The following NRG1 variants were observed in gnomAD, a reference collection of about 807,000 sequenced individuals.
NRG1 encodes neuregulin 1.
In NRG1, 18 loss-of-function variants were observed where a neutral mutation model predicts 63.8. The observed-to-expected ratio is 0.28, with a 90% CI of 0.19 to 0.42. The LOEUF (loss-of-function observed/expected upper bound fraction) is 0.42, where lower values mean the gene tolerates loss of function less well. NRG1 is among the 10% of genes least tolerant of loss of function. The pLI is 1.00. For missense variants in NRG1, 762 were observed against 814.7 expected (o/e 0.94, Z 0.79); for synonymous variants, 302 against 301.3 (o/e 1.00, Z -0.02).
At chr8:31,796,947 T>C (rs1821289212) in intron 1 of NRG1, among the ~76,000 whole-genome samples, 1 of 152,138 alleles carries the variant, frequency 6.6e-6, no homozygotes, top group Non-Finnish European at 1.5e-5. Flanking sequence ...TCAGTGATTA[T>C]ATAGGGTCAG....
chr8:32,026,779 G>A (rs1364538908), intron 1 of NRG1, among the ~76,000 whole-genome samples: 1 of 152,048 alleles, frequency 6.6e-6, no homozygotes, highest in Non-Finnish European at 1.5e-5. Context: ...AAATTTCTTG[G>A]ATTAGATCTT....
At chr8:32,141,231 G>C (rs1157670510) in intron 1 of NRG1, among the ~76,000 whole-genome samples, 2 of 152,040 alleles carry the variant, frequency 1.3e-5, no homozygotes, top group Admixed American at 1.3e-4. Flanking sequence ...CAAGGAATGT[G>C]GTACCAGGGC....
chr8:31,668,092 A>C (rs1806737523), intron 1 of NRG1, among the ~76,000 whole-genome samples: 1 of 152,114 alleles, frequency 6.6e-6, no homozygotes, highest in Non-Finnish European at 1.5e-5. Context: ...GTAGAGAGAA[A>C]ATTTATGGGT....
intron 1 of NRG1, among the ~76,000 whole-genome samples, chr8:31,947,747 C>A (rs1310880135): frequency 6.6e-6 from 1 of 151,750 alleles, no homozygotes; most frequent in Non-Finnish European, 1.5e-5. Flanking sequence ...AGTTCAAGAC[C>A]ACCCAGGGCA....
chr8:31,645,280 G>T (rs1311205728), intron 1 of NRG1, among the ~76,000 whole-genome samples: 1 of 152,178 alleles, frequency 6.6e-6, no homozygotes, highest in Admixed American at 6.5e-5. Flanking sequence ...GACACATTCT[G>T]TTGAAATCTA....
chr8:31,853,189 C>T (rs900230580), intron 1 of NRG1, among the ~76,000 whole-genome samples: 1 of 152,068 alleles, frequency 6.6e-6, no homozygotes, highest in Non-Finnish European at 1.5e-5. Flanking sequence ...TGAATCTGTA[C>T]ATTACCTTAG....
intron 1 of NRG1, among the ~76,000 whole-genome samples, chr8:32,157,389 T>C (rs1341660387): frequency 1.5e-5 from 2 of 135,764 alleles, no homozygotes; most frequent in African/African-American, 5.7e-5. Context: ...AGGCCGGGCA[T>C]GGCGGCTCAC....
At chr8:32,641,626 G>T (rs1852414984) in intron 5 of NRG1, among the ~76,000 whole-genome samples, 4 of 152,132 alleles carry the variant, frequency 2.6e-5, no homozygotes, top group African/African-American at 9.7e-5. Flanking sequence ...AGTTACAGAG[G>T]ATCTAAACTC....
chr8:31,674,372 T>C (rs769250308), intron 1 of NRG1, among the ~76,000 whole-genome samples: 2 of 152,220 alleles, frequency 1.3e-5, no homozygotes, highest in East Asian at 1.9e-4. Flanking sequence ...AGGGTTTCAC[T>C]TTCTCTACAT....
chr8:31,792,787 T>C (rs1820841625), intron 1 of NRG1, among the ~76,000 whole-genome samples: 1 of 152,196 alleles, frequency 6.6e-6, no homozygotes, highest in African/African-American at 2.4e-5. Context: ...ATGCCACATG[T>C]TCACAGTGAG....
chr8:31,700,598 G>A (rs569012597), intron 1 of NRG1, among the ~76,000 whole-genome samples: 1 of 152,320 alleles, frequency 6.6e-6, no homozygotes, highest in South Asian at 2.1e-4. Flanking sequence ...GGAATGGAAT[G>A]AAGGAGGCCA....
At chr8:32,067,963 C>A (rs754353160) in intron 1 of NRG1, among the ~76,000 whole-genome samples, 17 of 152,064 alleles carry the variant, frequency 1.1e-4, no homozygotes, top group Non-Finnish European at 2.4e-4. Context: ...TTTTTCAATG[C>A]TTGTGTAGTT....
At chr8:32,140,396 CCTGTCATT>C (rs1836091838) in intron 1 of NRG1, among the ~76,000 whole-genome samples, 5 of 151,974 alleles carry the variant, frequency 3.3e-5, no homozygotes, top group Admixed American at 3.3e-4. Context: ...TTCCTGTCTT[CCTGTCATT>C]CTTGGTTTCT....
At chr8:32,267,052 AAAAG>A (rs1289473811) in intron 1 of NRG1, among the ~76,000 whole-genome samples, 2 of 151,374 alleles carry the variant, frequency 1.3e-5, no homozygotes, top group Non-Finnish European at 2.9e-5. Flanking sequence ...CCATCTCAAA[AAAAG>A]AAAGAAAGAA....
chr8:32,696,816 G>A (rs1437411815), intron 5 of NRG1, among the ~76,000 whole-genome samples: 4 of 151,840 alleles, frequency 2.6e-5, no homozygotes, highest in African/African-American at 9.7e-5. Flanking sequence ...GTGCGCCACC[G>A]CACCCAGCTA....
At chr8:31,642,700 T>C (rs967205308) in intron 1 of NRG1, among the ~76,000 whole-genome samples, 1 of 152,210 alleles carries the variant, frequency 6.6e-6, no homozygotes, top group Non-Finnish European at 1.5e-5. Flanking sequence ...TCTTTTTGCA[T>C]GTAATCGAGT....
At chr8:31,975,894 T>C (rs187405751) in intron 1 of NRG1, among the ~76,000 whole-genome samples, 1 of 152,348 alleles carries the variant, frequency 6.6e-6, no homozygotes, top group East Asian at 1.9e-4. Flanking sequence ...CTCAACATTC[T>C]ATTGCTTTTA....
At chr8:31,848,840 G>A (rs1436732404) in intron 1 of NRG1, among the ~76,000 whole-genome samples, 10 of 152,022 alleles carry the variant, frequency 6.6e-5, no homozygotes, top group Admixed American at 1.3e-4. Context: ...TCTACATTAC[G>A]GTGAGTTGTA....
chr8:32,727,269 G>A (rs1426537414), intron 5 of NRG1, among the ~76,000 whole-genome samples: 1 of 152,122 alleles, frequency 6.6e-6, no homozygotes, highest in African/African-American at 2.4e-5. Flanking sequence ...TAGTGCTTTA[G>A]TCTACATTTA....
Sources: allele counts gnomAD v4.1 joint callset (sites outside exome capture counted in the v4.1 genomes callset), GRCh38; gene constraint gnomAD v4.1.1; transcripts MANE v1.5; gene names NCBI Gene and HGNC (gene_info 2026-07-23, HGNC 2026-07-21).